RPL35A: variants seen among roughly 807,000 people sequenced by gnomAD.
RPL35A encodes the protein large ribosomal subunit protein eL33.
A neutral mutation model predicts 16.7 loss-of-function variants in RPL35A; 1 was observed. The observed-to-expected ratio is 0.06, with a 90% confidence interval of 0.02 to 0.28. The LOEUF is 0.28. Ranked by LOEUF, RPL35A falls within the 10% of genes least tolerant of loss-of-function variation. The pLI, the probability that RPL35A is intolerant of heterozygous loss-of-function variation, is 1.00. For synonymous variants in RPL35A, 58 were observed against 47.0 expected (o/e 1.23, Z -0.96); for missense variants, 91 against 138.7 (o/e 0.66, Z 1.73).
At position 197,955,829 on chromosome 3, in the gene RPL35A, A is replaced by G. The variant is rs1720485381; in HGVS notation, c.*56A>G. The G allele has an allele frequency of 2.0e-5, 28 of 1,390,352 alleles. No individual in the cohort carries two copies. The highest frequency in any genetic ancestry group is 2.9e-5 in the Non-Finnish European group (28 of 978,742). 86.1% of individuals were successfully genotyped at this position (1,390,352 alleles called of 1,614,324 possible). The stretch of plus-strand genomic sequence containing the variant: ...TTTGTGCTCTTGTATTTTTAAGTGG[A>G]TTAAAAAACTTACTACCTTAAATTG... On this transcript the variant is annotated 3_prime_UTR_variant, in exon 5 of 5. Transcript: ENST00000647248.
chr3:197,952,215 G>A (rs1202522838), intron 3 of RPL35A, among the ~76,000 whole-genome samples: 1 of 129,278 alleles, frequency 7.7e-6, no homozygotes, highest in Non-Finnish European at 1.5e-5. Context: ...TGTCACCTAG[G>A]CTGGAGTGCA....
Position 197,953,990 on chromosome 3 carries a change from T to C in RPL35A, c.165-13T>C. The C allele has an allele frequency of 1.2e-6, 2 of 1,612,030 alleles. No individual in the cohort carries two copies. Among genetic ancestry groups the C allele is most frequent in the Non-Finnish European group, 1.7e-6 (2 of 1,179,648 alleles). The stretch of plus-strand genomic sequence containing the variant: ...TCAGCTTGTATTCCTCTTCTTTCCC[T>C]TTTTAAAATCAGCAACACAGTCACT... On this transcript the variant is annotated splice_polypyrimidine_tract_variant and intron_variant, in intron 3 of 4. Coordinates refer to ENST00000647248, the MANE Select transcript of RPL35A (RefSeq NM_000996.4).
At chr3:197,953,527 C>T (rs1477111299) in intron 3 of RPL35A, 2 of 457,228 alleles carry the variant, frequency 4.4e-6, no homozygotes, top group African/African-American at 2.0e-5. Flanking sequence ...TTTCTTCCGG[C>T]CAGGACACAC....
intron 4 of RPL35A, 37 bp from the exon 5 acceptor site, chr3:197,955,713 C>T (rs1720476207): frequency 6.5e-7 from 1 of 1,549,084 alleles, no homozygotes; most frequent in South Asian, 1.1e-5. Flanking sequence ...GTATATATAA[C>T]ATTCACCTAA....
At chr3:197,952,906 C>T (rs538607388) in intron 3 of RPL35A, among the ~76,000 whole-genome samples, 12 of 151,304 alleles carry the variant, frequency 7.9e-5, no homozygotes, top group Non-Finnish European at 7.4e-5. Context: ...GATCTCAGCT[C>T]ACTGCAACCT....
At chr3:197,954,507 G>T in intron 4 of RPL35A, 1 of 334,148 alleles carries the variant, frequency 3.0e-6, no homozygotes, top group Non-Finnish European at 5.7e-6. Flanking sequence ...CTAATTTTTG[G>T]GGTTTTTGTT....
rs139456046 is a variant in RPL35A, at chr3:197,954,319, T to G, written c.309+172T>G. The G allele has an allele frequency of 3.5e-4, 252 of 728,176 alleles. No individual in the cohort carries two copies. In the East Asian group the frequency reaches 6.5e-3, roughly 19 times the overall value. The allele number at this position is 728,176 out of a possible 1,614,324, so 45.1% of individuals were successfully genotyped here. ...GATAGTAATTGAAAGAATTAGGTGT[T>G]TGGTTGTTTGTTTTTTGTTTTTTTT... On this transcript the variant is annotated intron_variant, in intron 4 of 4. Transcript: ENST00000647248.
chr3:197,950,901 C>A, intron 1 of RPL35A, 35 bp from the exon 2 acceptor site: 1 of 1,610,316 alleles, frequency 6.2e-7, no homozygotes, highest in Non-Finnish European at 8.5e-7. Flanking sequence ...ACTTGTGTGG[C>A]TTGGTTTTAA....
intron 3 of RPL35A, chr3:197,951,563 G>A: frequency 2.2e-6 from 1 of 464,716 alleles, no homozygotes; most frequent in Admixed American, 3.4e-5. Flanking sequence ...ATGTTGGCCA[G>A]GCTGGTCCCA....
chr3:197,950,789 CAT>C, intron 1 of RPL35A, 145 bp from the exon 2 acceptor site: 1 of 684,182 alleles, frequency 1.5e-6, no homozygotes, highest in Non-Finnish European at 2.5e-6. Flanking sequence ...CCCTGCGTTT[CAT>C]ATGGATGTTC....
chr3:197,950,840 T>A, intron 1 of RPL35A, 96 bp from the exon 2 acceptor site: 1 of 1,115,598 alleles, frequency 9.0e-7, no homozygotes, highest in Non-Finnish European at 1.3e-6. Flanking sequence ...GAAACTCCCA[T>A]CCAAAAGGAA....
intron 3 of RPL35A, 33 bp from the exon 4 acceptor site, chr3:197,953,970 T>C (rs761028446): frequency 8.9e-5 from 143 of 1,611,148 alleles, no homozygotes; most frequent in Non-Finnish European, 1.2e-4. Context: ...CTATATCAGC[T>C]TGTATTCCTC....
chr3:197,951,639 C>T (rs1282725778), intron 3 of RPL35A: 3 of 347,528 alleles, frequency 8.6e-6, no homozygotes, highest in African/African-American at 6.3e-5. Flanking sequence ...AGGCTTGAGC[C>T]ACCGCGCCTG....
At chr3:197,950,702 C>G in intron 1 of RPL35A, 1 of 565,028 alleles carries the variant, frequency 1.8e-6, no homozygotes, top group Non-Finnish European at 3.1e-6. Context: ...TTTGTGACTC[C>G]TGTCCCTTAG....
chr3:197,956,179 C>G lies in RPL35A; in HGVS notation c.*406C>G, dbSNP rs971515860. On this transcript the variant is annotated 3_prime_UTR_variant, in exon 5 of 5. Coordinates refer to ENST00000647248, the MANE Select transcript of RPL35A (RefSeq NM_000996.4). Reference sequence around the variant, plus strand: ...TCTTGCCTATGCTGGCTTCAAACTCCTGGGCTCAAGCAATCCTCCTTCCTT... The same window carrying G: ...TCTTGCCTATGCTGGCTTCAAACTCGTGGGCTCAAGCAATCCTCCTTCCTT... The G allele has an allele frequency of 1.3e-5, 3 of 227,630 alleles. No homozygotes were observed. The highest frequency in any genetic ancestry group is 7.4e-5 in the African/African-American group (3 of 40,810). 14.1% of individuals were successfully genotyped at this position (227,630 alleles called of 1,614,324 possible). A position where few individuals can be genotyped will look rare whatever the true frequency, so the allele number is the denominator to read the frequency against.
Position 197,954,008 on chromosome 3 carries a change from C to G in RPL35A, c.170C>G (p.Thr57Arg). The change falls in exon 4 of 5, where the codon ACA becomes AGA. Residue 57 changes from threonine to arginine, a missense_variant. Physicochemically the swap from Thr to Arg is moderately conservative, Grantham distance 71 (BLOSUM62 -1). Coordinates refer to ENST00000647248, the MANE Select transcript of RPL35A (RefSeq NM_000996.4). ...CTTTCCCTTTTTAAAATCAGCAACA[C>G]AGTCACTCCTGGCGGCAAACCAAAC... ...CAYVYKAKNN[T>R]VTPGGKPNKT... The G allele has an allele frequency of 6.2e-7, 1 of 1,612,806 alleles. No individual in the cohort carries two copies. Among genetic ancestry groups the G allele is most frequent in the South Asian group, 1.1e-5 (1 of 91,028 alleles).
chr3:197,950,257 A>G, intron 1 of RPL35A, 36 bp downstream of exon 1: 1 of 1,230,400 alleles, frequency 8.1e-7, no homozygotes, highest in Admixed American at 4.2e-5. Flanking sequence ...TTTGGGGGCA[A>G]ATAACCGGAG....
intron 3 of RPL35A, among the ~76,000 whole-genome samples, chr3:197,951,816 G>GCCT (rs1336786164): frequency 6.6e-6 from 1 of 151,876 alleles, no homozygotes; most frequent in African/African-American, 2.4e-5. Flanking sequence ...TCCTGCCTCA[G>GCCT]CCTCCTGAGT....
intron 3 of RPL35A, among the ~76,000 whole-genome samples, chr3:197,952,024 A>G (rs1027774828): frequency 6.6e-6 from 1 of 152,180 alleles, no homozygotes; most frequent in East Asian, 1.9e-4. Context: ...TTGCACTTGT[A>G]AGCAATAAAG....
Sources: allele counts gnomAD v4.1 joint callset (sites outside exome capture counted in the v4.1 genomes callset), GRCh38; gene constraint gnomAD v4.1.1; transcripts MANE v1.5; gene names NCBI Gene and HGNC (gene_info 2026-07-23, HGNC 2026-07-21).